MICU1: variants seen among roughly 807,000 people sequenced by gnomAD.
MICU1 encodes the protein mitochondrial calcium uptake 1, also known as calcium uptake protein 1, mitochondrial.
A neutral mutation model predicts 56.8 loss-of-function variants in MICU1; 45 were observed. The observed-to-expected ratio is 0.79, with a 90% CI of 0.62 to 1.02. The LOEUF is 1.02. Among genes scored for constraint, MICU1 ranks in the 50% least tolerant of loss-of-function variants. The probability of loss-of-function intolerance (pLI) is 0.00; values close to 1 mark genes in which losing one functional copy is unlikely to be tolerated. For missense variants in MICU1, 504 were observed against 587.1 expected, an observed-to-expected ratio of 0.86 and a Z score of 1.46; for synonymous variants, 186 against 195.1, an observed-to-expected ratio of 0.95 and a Z score of 0.39.
At chr10:72,400,894 CACACACACA>C (rs1564846556) in intron 10 of MICU1, among the ~76,000 whole-genome samples, 3 of 151,808 alleles carry the variant, frequency 2.0e-5, no homozygotes, top group African/African-American at 7.3e-5. Context: ...CACACACACA[CACACACACA>C]CCCTATATGA....
chr10:72,590,740 G>C (rs1841200172), intron 1 of MICU1, among the ~76,000 whole-genome samples: 1 of 151,968 alleles, frequency 6.6e-6, no homozygotes, highest in African/African-American at 2.4e-5. Flanking sequence ...TTGAACCCGG[G>C]AGGCGGAGGT....
In MICU1 at chr10:72,596,479, G is replaced by T. The variant is rs1841385027; in HGVS notation, c.-2+29531C>A. The stretch of plus-strand genomic sequence containing the variant: ...TTCTAGAAATCTGCTGTAAGATGTG[G>T]CTATACTTAACACTTCTGAACCATA... On this transcript the variant is annotated intron_variant, in intron 1 of 11. Transcript: ENST00000361114. Among the ~76,000 whole-genome samples, 3 of 152,050 alleles carry T rather than the reference G, an allele frequency of 2.0e-5. No individual in the cohort carries two copies. The South Asian group carries it at 6.2e-4, about 31-fold the overall frequency.
rs1470005034 is a variant in MICU1, at chr10:72,386,064, C to T, written c.1181-10192G>A. 2.6e-5 allele frequency among the ~76,000 whole-genome samples: 4 copies of T among 152,200 alleles called. No homozygotes were observed. The East Asian group carries it at 7.7e-4, about 29-fold the overall frequency. ...GAACTCCGGATGAAAATGAAGGCCC[C>T]CCAACAACACTGCGATTTCATCCTT... On this transcript the variant is annotated intron_variant, in intron 10 of 11. Coordinates refer to ENST00000361114, the MANE Select transcript of MICU1 (RefSeq NM_001195518.2).
At chr10:72,533,144 T>C in intron 5 of MICU1, 1 of 1,290,038 alleles carries the variant, frequency 7.8e-7, no homozygotes, top group Non-Finnish European at 1.0e-6. Context: ...TGTAATATTT[T>C]CTTTTTGGAG....
chr10:72,380,453 A>C (rs1325175260), intron 10 of MICU1, among the ~76,000 whole-genome samples: 1 of 152,188 alleles, frequency 6.6e-6, no homozygotes, highest in Admixed American at 6.6e-5. Flanking sequence ...GAGTTGTGTC[A>C]GGTCCCCAAT....
intron 1 of MICU1, among the ~76,000 whole-genome samples, chr10:72,570,336 A>G (rs1320135349): frequency 6.7e-6 from 1 of 149,762 alleles, no homozygotes; most frequent in Non-Finnish European, 1.5e-5. Flanking sequence ...GGCCCAAATT[A>G]TTTTTTTTTT....
chr10:72,517,149 GAGGAAATGGGAGTTACT>G (rs1322227212), intron 5 of MICU1, among the ~76,000 whole-genome samples: 1 of 152,120 alleles, frequency 6.6e-6, no homozygotes, highest in East Asian at 1.9e-4. Context: ...CAAAATTTGG[GAGGAAATGGGAGTTACT>G]AGAAAACAAA....
chr10:72,411,837 C>A (rs577827805), intron 9 of MICU1, among the ~76,000 whole-genome samples: 47 of 152,270 alleles, frequency 3.1e-4, no homozygotes, highest in Non-Finnish European at 6.0e-4. Context: ...AGTGCTTATG[C>A]TGAGAATTAT....
intron 4 of MICU1, among the ~76,000 whole-genome samples, chr10:72,548,944 G>T (rs945988924): frequency 6.6e-6 from 1 of 152,160 alleles, no homozygotes; most frequent in African/African-American, 2.4e-5. Flanking sequence ...AGATCTGCCT[G>T]CCTCAGCCTC....
intron 8 of MICU1, 142 bp from the exon 9 acceptor site, chr10:72,423,513 T>C: frequency 9.5e-7 from 1 of 1,049,402 alleles, no homozygotes; most frequent in Non-Finnish European, 1.3e-6. Flanking sequence ...CAGTAAGATC[T>C]GCAAAAACTA....
At chr10:72,464,249 T>C (rs1033467581) in intron 8 of MICU1, among the ~76,000 whole-genome samples, 9 of 146,556 alleles carry the variant, frequency 6.1e-5, no homozygotes, top group Non-Finnish European at 1.0e-4. Context: ...TGAGCCGAGA[T>C]TGTACCACTG....
At chr10:72,458,393 G>C (rs1416519165) in intron 8 of MICU1, among the ~76,000 whole-genome samples, 1 of 152,016 alleles carries the variant, frequency 6.6e-6, no homozygotes, top group Non-Finnish European at 1.5e-5. Flanking sequence ...TATCTACATG[G>C]AAACTTGGAA....
intron 9 of MICU1, among the ~76,000 whole-genome samples, chr10:72,421,014 AAAAATAAT>A (rs1335328615): frequency 3.2e-4 from 45 of 140,516 alleles, no homozygotes; most frequent in African/African-American, 1.1e-3. Flanking sequence ...AAAAAAAAAA[AAAAATAAT>A]AATAATAATA....
chr10:72,529,108 T>C (rs1478266578), intron 5 of MICU1, among the ~76,000 whole-genome samples: 2 of 152,250 alleles, frequency 1.3e-5, no homozygotes, highest in Non-Finnish European at 2.9e-5. Flanking sequence ...TATTTCATTT[T>C]TATTTGATGT....
intron 8 of MICU1, among the ~76,000 whole-genome samples, chr10:72,470,675 C>T (rs1478679300): frequency 6.6e-6 from 1 of 151,952 alleles, no homozygotes; most frequent in Non-Finnish European, 1.5e-5. Context: ...AGTGATACAA[C>T]AGCAATTAAA....
intron 8 of MICU1, among the ~76,000 whole-genome samples, chr10:72,470,277 T>G (rs1865911624): frequency 6.6e-6 from 1 of 152,222 alleles, no homozygotes; most frequent in South Asian, 2.1e-4. Context: ...ACAAATGTAG[T>G]TGGGAAGACA....
intron 1 of MICU1, among the ~76,000 whole-genome samples, chr10:72,616,571 G>C (rs957552062): frequency 4.7e-5 from 6 of 128,152 alleles, no homozygotes; most frequent in Middle Eastern, 8.8e-3. Flanking sequence ...TGGGCAACAA[G>C]AGCGAAACTC....
In MICU1 at chr10:72,512,100, G is replaced by GTTTTTTTTTTTTTT. The variant is rs1199987987; in HGVS notation, c.538-3832_538-3831insAAAAAAAAAAAAAA. On this transcript the variant is annotated intron_variant, in intron 5 of 11. Coordinates refer to ENST00000361114, the MANE Select transcript of MICU1 (RefSeq NM_001195518.2). ...ATCAATCTGGCATCCATACACAGTT[G>GTTTTTTTTTTTTTT]TTTTTTGTTTTTTTTTTTTTTTTTT... 2.2e-4 allele frequency among the ~76,000 whole-genome samples: 18 copies of GTTTTTTTTTTTTTT among 82,334 alleles called. 6 individuals carry two copies. Among genetic ancestry groups the GTTTTTTTTTTTTTT allele is most frequent in the African/African-American group, 9.3e-4 (16 of 17,242 alleles). 54.0% of individuals were successfully genotyped at this position (82,334 alleles called of 152,430 possible). A position where few individuals can be genotyped will look rare whatever the true frequency, so the allele number is the denominator to read the frequency against.
intron 7 of MICU1, among the ~76,000 whole-genome samples, chr10:72,475,539 A>G (rs1589257744): frequency 6.6e-6 from 1 of 151,610 alleles, no homozygotes; most frequent in Non-Finnish European, 1.5e-5. Context: ...AGCAATTCTC[A>G]TGCCTCAGCC....
Sources: gnomAD v4.1 joint callset for allele counts (sites outside exome capture counted in the v4.1 genomes callset) on GRCh38, gnomAD v4.1.1 for gene constraint, MANE v1.5 for transcripts, NCBI Gene and HGNC (gene_info 2026-07-23, HGNC 2026-07-21) for gene names.